Variants in SNHG17 observed in about 807,000 individuals in gnomAD.
SNHG17 encodes the protein small nucleolar RNA host gene 17.
At chr20:38,427,358 CG>C (rs754951841) in intron 3 of SNHG17, 177 of 518,390 alleles carry the variant, frequency 3.4e-4, no homozygotes, top group Middle Eastern at 6.3e-4. Flanking sequence ...CCTCCAAACA[CG>C]GGGACAACCT....
intron 1 of SNHG17, chr20:38,435,114 A>C (rs1600773926): frequency 8.1e-7 from 1 of 1,232,178 alleles, no homozygotes; most frequent in Non-Finnish European, 1.0e-6. Context: ...ACAGGGCCTG[A>C]CCTCTCTGGC....
intron 5 of SNHG17, among the ~76,000 whole-genome samples, chr20:38,423,192 T>C (rs1189596142): frequency 6.7e-6 from 1 of 150,100 alleles, no homozygotes; most frequent in South Asian, 2.1e-4. Context: ...AGCCCAGGAG[T>C]TGGAGACCAG....
chr20:38,427,302 CAGG>C, intron 3 of SNHG17: 2 of 499,776 alleles, frequency 4.0e-6, no homozygotes, highest in South Asian at 1.4e-5. Context: ...AGGAGAGCAA[CAGG>C]AGTTGTGTGA....
intron 3 of SNHG17, among the ~76,000 whole-genome samples, chr20:38,426,995 TACACACACACACACACACACACACACAC>T (rs765781057): frequency 0.031 from 3,845 of 125,650 alleles, 266 homozygotes; most frequent in African/African-American, 0.1. Context: ...AAGTTACACA[TACACACACACACACACACACACACACAC>T]ACACACACAC....
At chr20:38,425,349 G>A (rs1236773816) in intron 5 of SNHG17, 1 of 518,658 alleles carries the variant, frequency 1.9e-6, no homozygotes, top group Non-Finnish European at 3.9e-6. Context: ...AGGGCAGTGA[G>A]TGAGTTGAGA....
intron 5 of SNHG17, chr20:38,424,964 G>T (rs1057047340): frequency 3.9e-5 from 10 of 258,852 alleles, no homozygotes; most frequent in Non-Finnish European, 7.1e-5. Context: ...GTTACTGGGG[G>T]AAGGTGCTAT....
At chr20:38,426,597 G>A (rs1247487642) in intron 3 of SNHG17, 2 of 151,038 alleles carry the variant, frequency 1.3e-5, no homozygotes, top group Admixed American at 6.6e-5. Context: ...AATCGGGGTG[G>A]GATGGGCTAG....
At chr20:38,423,706 G>A (rs1244562862) in intron 5 of SNHG17, among the ~76,000 whole-genome samples, 1 of 151,954 alleles carries the variant, frequency 6.6e-6, no homozygotes, top group Non-Finnish European at 1.5e-5. Flanking sequence ...CACAACATAA[G>A]GGATTTCTGT....
intron 3 of SNHG17, chr20:38,427,469 G>A (rs771348675): frequency 3.9e-6 from 2 of 507,708 alleles, no homozygotes; most frequent in Non-Finnish European, 7.9e-6. Flanking sequence ...GAGCCAGGAA[G>A]GGCAGGAGGA....
intron 2 of SNHG17, chr20:38,433,800 A>C: frequency 1.9e-6 from 1 of 519,016 alleles, no homozygotes; most frequent in South Asian, 1.4e-5. Context: ...TGAGCCTTGC[A>C]CAGGGAGCAC....
At chr20:38,435,230 T>G (rs1198093323) in exon 1 of SNHG17, 1 of 1,231,860 alleles carries the variant, frequency 8.1e-7, no homozygotes, top group Non-Finnish European at 1.0e-6. Context: ...GGCGGAGACC[T>G]GACAGACAGC....
chr20:38,430,074 T>C (rs1377913246), intron 3 of SNHG17, among the ~76,000 whole-genome samples: 3 of 152,114 alleles, frequency 2.0e-5, no homozygotes, highest in Non-Finnish European at 2.9e-5. Flanking sequence ...CCCAGCACTT[T>C]GGGAGGCTGA....
chr20:38,428,219 C>T (rs1192440365), intron 3 of SNHG17: 3 of 152,366 alleles, frequency 2.0e-5, no homozygotes, highest in Admixed American at 1.3e-4. Flanking sequence ...CCAGCGCTCG[C>T]CCCAGGCAGC....
chr20:38,425,573 G>A lies in SNHG17; in HGVS notation n.579+362C>T, dbSNP rs41314902. 6.0e-3 allele frequency among the ~76,000 whole-genome samples: 917 copies of A among 152,310 alleles called. 6 individuals are homozygous for A. The highest frequency in any genetic ancestry group is 0.021 in the African/African-American group (876 of 41,558). ...CTCCAGATCCAAAACTTCTGATGTAGTAGGTTGGGACAGGGCTAAGAACTT... is the reference window on the plus strand; with the variant it reads ...CTCCAGATCCAAAACTTCTGATGTAATAGGTTGGGACAGGGCTAAGAACTT... On this transcript the variant is annotated intron_variant and non_coding_transcript_variant, in intron 5 of 8. Transcript: ENST00000654008.
intron 3 of SNHG17, among the ~76,000 whole-genome samples, chr20:38,430,445 C>G (rs1374497794): frequency 6.6e-6 from 1 of 152,074 alleles, no homozygotes; most frequent in Admixed American, 6.6e-5. Context: ...GCCTGGCCAA[C>G]ACCATCTCTA....
chr20:38,425,178 C>T (rs1359251430), intron 5 of SNHG17: 1 of 516,326 alleles, frequency 1.9e-6, no homozygotes, highest in African/African-American at 1.9e-5. Context: ...GAGGTAACAT[C>T]ACTGGTGAGA....
At chr20:38,435,014 GGGC>G (rs1568867785) in intron 1 of SNHG17, 1 of 1,230,272 alleles carries the variant, frequency 8.1e-7, no homozygotes, top group African/African-American at 1.6e-5. Flanking sequence ...CCGCGGCCAA[GGGC>G]GCGACTCACC....
At chr20:38,434,823 A>G in intron 1 of SNHG17, 1 of 984,028 alleles carries the variant, frequency 1.0e-6, no homozygotes, top group Non-Finnish European at 1.2e-6. Flanking sequence ...GACGTGGCAC[A>G]ATGACTGGCA....
chr20:38,431,556 G>T (rs1301490254), intron 2 of SNHG17, among the ~76,000 whole-genome samples: 1 of 152,168 alleles, frequency 6.6e-6, no homozygotes, highest in Non-Finnish European at 1.5e-5. Flanking sequence ...AGAAGTAAAG[G>T]AAAGACCCTC....
Sources: allele counts gnomAD v4.1 joint callset (sites outside exome capture counted in the v4.1 genomes callset), GRCh38; gene constraint gnomAD v4.1.1; transcripts MANE v1.5; gene names NCBI Gene and HGNC (gene_info 2026-07-23, HGNC 2026-07-21).